The following SEL1L3 variants were observed in gnomAD, a reference collection of about 807,000 sequenced individuals.
The protein encoded by SEL1L3 is SEL1L family member 3.
A neutral mutation model predicts 142.8 loss-of-function variants in SEL1L3; 76 were observed. The ratio of observed to expected loss-of-function variants is 0.53; its 90% confidence interval spans 0.44 to 0.64. The LOEUF is 0.64. Ranked by LOEUF, SEL1L3 falls within the 30% of genes least tolerant of loss-of-function variation. The pLI is 0.00. For synonymous variants in SEL1L3, 504 were observed against 519.6 expected (o/e 0.97, Z 0.41); for missense variants, 1,262 against 1,381.7 (o/e 0.91, Z 1.37).
Position 25,841,055 on chromosome 4 carries a change from CAG to C in SEL1L3, c.734-5734_734-5733del, listed in dbSNP as rs1307049544. ...TCCTTCTTCTTCTCTTTTTTTGAGA[CAG>C]AGTCTTGCTCTGTCACCCAGGCTGG... On this transcript the variant is annotated intron_variant, in intron 2 of 23. Coordinates refer to ENST00000399878, the MANE Select transcript of SEL1L3 (RefSeq NM_015187.5). 2.0e-5 allele frequency among the ~76,000 whole-genome samples: 3 copies of C among 150,702 alleles called. No individual in the cohort carries two copies. The East Asian group carries it at 5.8e-4, about 29-fold the overall frequency.
downstream of SEL1L3, among the ~76,000 whole-genome samples, chr4:25,746,383 G>A: frequency 6.6e-6 from 1 of 151,186 alleles, no homozygotes; most frequent in East Asian, 1.9e-4. Context: ...GCTAAGCATG[G>A]TGGCACATGC....
chr4:25,843,016 C>A (rs1440649014), intron 2 of SEL1L3, among the ~76,000 whole-genome samples: 1 of 152,076 alleles, frequency 6.6e-6, no homozygotes, highest in East Asian at 1.9e-4. Flanking sequence ...GGGAGAAGAG[C>A]ATCTTAGGTG....
At chr4:25,743,977 G>T (rs191081384), downstream of SEL1L3, among the ~76,000 whole-genome samples, 1 of 152,292 alleles carries the variant, frequency 6.6e-6, no homozygotes, top group African/African-American at 2.4e-5. Flanking sequence ...GAGAAGGTGT[G>T]TGCCGGACCC....
At chr4:25,817,225 C>T (rs556788936) in intron 9 of SEL1L3, among the ~76,000 whole-genome samples, 4 of 152,276 alleles carry the variant, frequency 2.6e-5, no homozygotes, top group South Asian at 2.1e-4. Flanking sequence ...CATTCTTAGG[C>T]GGTGGGTACA....
intron 2 of SEL1L3, among the ~76,000 whole-genome samples, chr4:25,838,934 C>T (rs938424096): frequency 1.3e-5 from 2 of 152,214 alleles, no homozygotes; most frequent in African/African-American, 4.8e-5. Flanking sequence ...TGTAACAAAA[C>T]CCCACTCCAG....
Position 25,748,480 on chromosome 4 carries a change from T to G in SEL1L3, c.3344A>C (p.Asp1115Ala). The G allele has an allele frequency of 6.2e-7, 1 of 1,611,954 alleles. No individual in the cohort carries two copies. The highest frequency in any genetic ancestry group is 8.5e-7 in the Non-Finnish European group (1 of 1,179,204). Reference protein sequence around the residue: ...TASPAVTPAADASDQDQPTVT... With the variant: ...TASPAVTPAAAASDQDQPTVT... Reference sequence around the variant, plus strand: ...TGTGGGCTGGTCTTGGTCAGAGGCATCTGCAGCTGGAGTCACAGCTGGACT... The same window carrying G: ...TGTGGGCTGGTCTTGGTCAGAGGCAGCTGCAGCTGGAGTCACAGCTGGACT... Residue 1115 changes from aspartate (D) to alanine (A), a missense_variant, in exon 24 of 24, where the codon GAT becomes GCT. This residue lies in a region of SEL1L3 where 138 missense variants were observed against 129.7 expected (regional missense o/e 1.06). Coordinates refer to ENST00000399878, the MANE Select transcript of SEL1L3 (RefSeq NM_015187.5).
At chr4:25,750,627 T>A (rs529121565) in intron 23 of SEL1L3, among the ~76,000 whole-genome samples, 1 of 152,204 alleles carries the variant, frequency 6.6e-6, no homozygotes, top group African/African-American at 2.4e-5. Flanking sequence ...GTGGAGATAC[T>A]GGTAAGATGT....
At chr4:25,810,722 A>G (rs1202360323) in intron 9 of SEL1L3, among the ~76,000 whole-genome samples, 1 of 152,104 alleles carries the variant, frequency 6.6e-6, no homozygotes, top group Non-Finnish European at 1.5e-5. Flanking sequence ...ATGCCACCCC[A>G]GAGTCTAGAC....
chr4:25,802,323 G>C lies in SEL1L3; in HGVS notation c.1916C>G (p.Thr639Ser). The part of the protein sequence containing the change: ...LSYAYYSNIA[T>S]KTPLDQHTLQ... Reference sequence around the variant, plus strand: ...TGTGTGCTGGTCAAGGGGTGTCTTGGTGGCAATGTTGCTGTAGTAGGCATA... The same window carrying C: ...TGTGTGCTGGTCAAGGGGTGTCTTGCTGGCAATGTTGCTGTAGTAGGCATA... The change falls in exon 11 of 24, where the codon ACC becomes AGC. Residue 639 changes from threonine (T) to serine (S), a missense_variant. Transcript: ENST00000399878. The C allele has an allele frequency of 3.1e-6, 5 of 1,613,746 alleles. No individual in the cohort carries two copies. The highest frequency in any genetic ancestry group is 3.4e-6 in the Non-Finnish European group (4 of 1,179,824).
chr4:25,740,775 ATTTCT>A, the SEL1L3 span, among the ~76,000 whole-genome samples: 1 of 152,006 alleles, frequency 6.6e-6, no homozygotes, highest in Admixed American at 6.6e-5. Context: ...TATTACATAC[ATTTCT>A]TTTCTTTTTT....
chr4:25,790,559 T>C lies in SEL1L3; in HGVS notation c.1972A>G (p.Ile658Val), dbSNP rs1712223478. The C allele has an allele frequency of 1.9e-6, 3 of 1,610,014 alleles. No individual in the cohort carries two copies. Among genetic ancestry groups the C allele is most frequent in the South Asian group, 1.1e-5 (1 of 90,994 alleles). ...LQGDQAYVET[I>V]RLKDDEILKV... is the part of the protein sequence containing the mutation. ...AGTATTTCATCATCTTTTAGTCTAA[T>C]TGTTTCAACATATGCCTGAGAAGGA... The change falls in exon 12 of 24, where the codon ATT (isoleucine) becomes GTT (valine). Residue 658 changes from isoleucine to valine, a missense_variant. Ile to Val is a conservative substitution (Grantham distance 29). This residue lies in a region of SEL1L3 where 435 missense variants were observed against 559.2 expected (regional missense o/e 0.78). Coordinates refer to ENST00000399878, the MANE Select transcript of SEL1L3 (RefSeq NM_015187.5).
intron 9 of SEL1L3, among the ~76,000 whole-genome samples, chr4:25,806,228 A>AG (rs1713563381): frequency 6.6e-6 from 1 of 151,372 alleles, no homozygotes; most frequent in Admixed American, 6.6e-5. Context: ...TAGTAGAGAG[A>AG]GGGTTTCACC....
At chr4:25,789,187 C>T (rs1463098876) in intron 12 of SEL1L3, among the ~76,000 whole-genome samples, 1 of 152,180 alleles carries the variant, frequency 6.6e-6, no homozygotes, top group Non-Finnish European at 1.5e-5. Context: ...CTTCTCCTCT[C>T]ATCTCGTTCT....
In SEL1L3 at chr4:25,838,954, G is replaced by A. The variant is rs144686984; in HGVS notation, c.734-3631C>T. On this transcript the variant is annotated intron_variant, in intron 2 of 23. Transcript: ENST00000399878. ...CAAAACCCCACTCCAGATGTGCTTC[G>A]AACACACAGCAATGAAGCCACTGAG... 5.6e-3 allele frequency among the ~76,000 whole-genome samples: 846 copies of A among 152,238 alleles called. 2 individuals are homozygous for A. Among genetic ancestry groups the A allele is most frequent in the South Asian group, 0.011 (54 of 4,822 alleles).
Position 25,788,605 on chromosome 4 carries a change from T to A in SEL1L3, c.2077-241A>T, listed in dbSNP as rs1409256407. ...GTGTGTGTGTGTGTGTGTGTGTGTG[T>A]GTGTGTGTGTGTGTGTATCTACTGT... On this transcript the variant is annotated intron_variant, in intron 12 of 23. Transcript: ENST00000399878. The surrounding 1 kb of genome is among the most constrained non-coding windows in gnomAD (Gnocchi z 5.3). 6.6e-6 allele frequency among the ~76,000 whole-genome samples: 1 copy of A among 151,368 alleles called. No homozygotes were observed. The highest frequency in any genetic ancestry group is 2.4e-5 in the African/African-American group (1 of 41,232).
At chr4:25,816,996 T>C (rs1714431876) in intron 9 of SEL1L3, among the ~76,000 whole-genome samples, 1 of 152,218 alleles carries the variant, frequency 6.6e-6, no homozygotes, top group Non-Finnish European at 1.5e-5. Context: ...TTAGCTTCTA[T>C]ATCTTTAATA....
chr4:25,807,039 C>A (rs1713632742), intron 9 of SEL1L3, among the ~76,000 whole-genome samples: 1 of 152,192 alleles, frequency 6.6e-6, no homozygotes, highest in Admixed American at 6.5e-5. Flanking sequence ...TCTACATACA[C>A]ATTTTCTTTA....
intron 2 of SEL1L3, among the ~76,000 whole-genome samples, chr4:25,843,657 G>A (rs1716312470): frequency 6.6e-6 from 1 of 152,180 alleles, no homozygotes. Flanking sequence ...GGCTACATAT[G>A]CCCCCCACAC....
intron 13 of SEL1L3, among the ~76,000 whole-genome samples, chr4:25,787,595 C>T (rs906521339): frequency 2.0e-5 from 3 of 152,252 alleles, no homozygotes; most frequent in Non-Finnish European, 4.4e-5. Context: ...GCTGGGATTA[C>T]AGGTGTGAGC....
Sources: allele counts gnomAD v4.1 joint callset (sites outside exome capture counted in the v4.1 genomes callset), GRCh38; gene constraint gnomAD v4.1.1; regional missense constraint gnomAD v4.1.1; non-coding constraint Gnocchi (gnomAD v3.1); transcripts MANE v1.5; gene names NCBI Gene and HGNC (gene_info 2026-07-23, HGNC 2026-07-21).